The following EPHA4 variants were observed in gnomAD, a reference collection of about 807,000 sequenced individuals.
The protein encoded by EPHA4 is EPH receptor A4.
A neutral mutation model predicts 108.3 loss-of-function variants in EPHA4; 19 were observed. That is an observed-to-expected ratio of 0.18 (90% CI 0.12 to 0.26). EPHA4 has a LOEUF of 0.26. Among genes scored for constraint, EPHA4 ranks in the 10% least tolerant of loss-of-function variants. The pLI, the probability that EPHA4 is intolerant of heterozygous loss-of-function variation, is 1.00. For synonymous variants in EPHA4, 449 were observed against 455.5 expected, an observed-to-expected ratio of 0.99 and a Z score of 0.18; for missense variants, 917 against 1,254.0, an observed-to-expected ratio of 0.73 and a Z score of 4.06.
chr2:221,573,900 C>A (rs111932110), upstream of EPHA4: 1,085 of 152,332 alleles, frequency 7.1e-3, 7 homozygotes, highest in African/African-American at 0.017. The surrounding 1 kb of genome is among the most constrained non-coding windows in gnomAD (Gnocchi z 4.5). Context: ...TCGTGACTCT[C>A]GCCTGCTGGA....
At chr2:221,495,902 A>G (rs1692279758) in intron 4 of EPHA4, among the ~76,000 whole-genome samples, 1 of 152,170 alleles carries the variant, frequency 6.6e-6, no homozygotes, top group South Asian at 2.1e-4. Flanking sequence ...ACAGTGAGCG[A>G]TCACTAAATG....
intron 3 of EPHA4, among the ~76,000 whole-genome samples, chr2:221,529,854 G>C (rs989192465): frequency 6.6e-6 from 1 of 152,128 alleles, no homozygotes; most frequent in Non-Finnish European, 1.5e-5. Context: ...GGAAACCCAC[G>C]AGTCTATTTT....
intron 3 of EPHA4, among the ~76,000 whole-genome samples, chr2:221,557,982 G>A (rs1694353464): frequency 6.6e-6 from 1 of 152,102 alleles, no homozygotes; most frequent in Non-Finnish European, 1.5e-5. Flanking sequence ...TAGTTTAAAA[G>A]TATTACTAGG....
intron 4 of EPHA4, among the ~76,000 whole-genome samples, chr2:221,499,255 A>G (rs1161609060): frequency 6.7e-6 from 1 of 148,520 alleles, no homozygotes; most frequent in Non-Finnish European, 1.5e-5. Flanking sequence ...ATATAATAAT[A>G]ATATAAAATA....
intron 3 of EPHA4, among the ~76,000 whole-genome samples, chr2:221,503,102 C>G (rs1026944667): frequency 6.6e-6 from 1 of 152,198 alleles, no homozygotes; most frequent in East Asian, 1.9e-4. Flanking sequence ...AGCCTCTGAA[C>G]AGGAACACAA....
rs113960461 is a variant in EPHA4 at position 221,489,714 on chromosome 2, G to A, written c.980-7024C>T. ...AGAAAAGGAATCTTCTCTTTTTCAG[G>A]TTTATGAGAATATCTACAGCCTTCA... On this transcript the variant is annotated intron_variant, in intron 4 of 17. Transcript: ENST00000281821. 2.1e-3 allele frequency among the ~76,000 whole-genome samples: 321 copies of A among 152,190 alleles called. 1 individual carries two copies. The highest frequency in any genetic ancestry group is 3.6e-3 in the Non-Finnish European group (248 of 67,994).
intron 14 of EPHA4, among the ~76,000 whole-genome samples, chr2:221,432,525 T>C (rs1361946174): frequency 6.6e-6 from 1 of 152,218 alleles, no homozygotes; most frequent in Non-Finnish European, 1.5e-5. Context: ...CTATGAATCT[T>C]CTGTTATAAT....
At chr2:221,489,154 C>T (rs932322806) in intron 4 of EPHA4, among the ~76,000 whole-genome samples, 2 of 152,172 alleles carry the variant, frequency 1.3e-5, no homozygotes, top group Non-Finnish European at 2.9e-5. Flanking sequence ...ATGTACTCTA[C>T]CTCACACCCA....
chr2:221,432,294 G>A (rs992570030), intron 14 of EPHA4, among the ~76,000 whole-genome samples: 10 of 152,002 alleles, frequency 6.6e-5, no homozygotes, highest in African/African-American at 1.4e-4. Flanking sequence ...CTTAAGTATC[G>A]AATAATTACA....
chr2:221,483,596 A>G (rs1691895723), intron 4 of EPHA4, among the ~76,000 whole-genome samples: 1 of 150,832 alleles, frequency 6.6e-6, no homozygotes, highest in Admixed American at 6.6e-5. Flanking sequence ...GCTCACTGCA[A>G]CTTTCACCTC....
At chr2:221,422,981 C>A (rs558767338) in intron 17 of EPHA4, among the ~76,000 whole-genome samples, 6 of 152,278 alleles carry the variant, frequency 3.9e-5, no homozygotes, top group Non-Finnish European at 7.4e-5. Context: ...CTCATAAATC[C>A]ATTTAAGTGA....
intron 3 of EPHA4, among the ~76,000 whole-genome samples, chr2:221,525,177 G>A (rs183192587): frequency 1.3e-5 from 2 of 152,202 alleles, no homozygotes; most frequent in African/African-American, 4.8e-5. Context: ...TGTTCACAAT[G>A]GCCTCAGGAC....
At chr2:221,471,493 T>C (rs1266412640) in intron 5 of EPHA4, among the ~76,000 whole-genome samples, 3 of 152,176 alleles carry the variant, frequency 2.0e-5, no homozygotes, top group Non-Finnish European at 4.4e-5. Flanking sequence ...GAGGAAGTTA[T>C]TGGAAGTTAA....
chr2:221,432,789 G>A (rs62178656), intron 14 of EPHA4, among the ~76,000 whole-genome samples: 2 of 147,752 alleles, frequency 1.4e-5, no homozygotes, highest in South Asian at 2.2e-4. Context: ...GACTACAGGC[G>A]CACACCACCA....
intron 3 of EPHA4, among the ~76,000 whole-genome samples, chr2:221,545,624 T>C (rs866355283): frequency 6.6e-6 from 1 of 152,106 alleles, no homozygotes; most frequent in African/African-American, 2.4e-5. Flanking sequence ...AATTACCTCC[T>C]CCTCAAGGAT....
chr2:221,540,898 C>A (rs1218154201), intron 3 of EPHA4, among the ~76,000 whole-genome samples: 1 of 150,970 alleles, frequency 6.6e-6, no homozygotes, highest in Non-Finnish European at 1.5e-5. Context: ...TGATGTAGGG[C>A]CAATTCAGTG....
At chr2:221,555,780 G>A (rs1694286494) in intron 3 of EPHA4, among the ~76,000 whole-genome samples, 1 of 152,158 alleles carries the variant, frequency 6.6e-6, no homozygotes, top group South Asian at 2.1e-4. Flanking sequence ...AGGGAGCACT[G>A]AGCCATGTTA....
chr2:221,531,706 T>C (rs1011394703), intron 3 of EPHA4, among the ~76,000 whole-genome samples: 4 of 136,222 alleles, frequency 2.9e-5, no homozygotes, highest in Non-Finnish European at 6.2e-5. Flanking sequence ...GTTATACTCA[T>C]CTATCTGTCT....
At chr2:221,500,001 T>A (rs2106156772) in intron 4 of EPHA4, among the ~76,000 whole-genome samples, 1 of 151,490 alleles carries the variant, frequency 6.6e-6, no homozygotes, top group South Asian at 2.1e-4. Flanking sequence ...AGGTGATCCG[T>A]CCACCTCAGC....
Sources: allele counts gnomAD v4.1 joint callset (sites outside exome capture counted in the v4.1 genomes callset), GRCh38; gene constraint gnomAD v4.1.1; non-coding constraint Gnocchi (gnomAD v3.1); transcripts MANE v1.5; gene names NCBI Gene and HGNC (gene_info 2026-07-23, HGNC 2026-07-21).